Variants in IL18R1 observed in about 807,000 individuals in gnomAD.
IL18R1 encodes the protein interleukin-18 receptor 1.
In IL18R1, 40 loss-of-function variants were observed where a neutral mutation model predicts 48.5. That is an observed-to-expected ratio of 0.82 (90% confidence interval 0.64 to 1.07). The LOEUF (loss-of-function observed/expected upper bound fraction) is 1.07, where lower values mean the gene tolerates loss of function less well. Ranked by LOEUF, IL18R1 falls within the 50% of genes least tolerant of loss-of-function variation. The pLI is 0.00. For synonymous variants in IL18R1, 232 were observed against 225.9 expected (o/e 1.03, Z -0.24); for missense variants, 596 against 633.7 (o/e 0.94, Z 0.64).
At chr2:102,362,978 A>G (rs1453105845) in intron 2 of IL18R1, 1 of 275,300 alleles carries the variant, frequency 3.6e-6, no homozygotes, top group Non-Finnish European at 6.7e-6. Flanking sequence ...GGTTTTAGGA[A>G]GTTTGAAACA....
chr2:102,377,297 GTTTCT>G (rs1460151689), intron 5 of IL18R1, among the ~76,000 whole-genome samples: 1 of 152,062 alleles, frequency 6.6e-6, no homozygotes, highest in Non-Finnish European at 1.5e-5. Flanking sequence ...GGGAAAATGC[GTTTCT>G]TTTATTTTTT....
rs573912983 is a variant in IL18R1 at position 102,392,251 on chromosome 2, G to A, written c.1111+2034G>A. On this transcript the variant is annotated intron_variant, in intron 9 of 10. Coordinates refer to ENST00000233957, the MANE Select transcript of IL18R1 (RefSeq NM_003855.5). The stretch of plus-strand genomic sequence containing the variant: ...TTTAGCTTTGAGCCTGCATGTGCAT[G>A]TGCGAGTTTGCTATGGGGAGAGATG... 2.0e-5 allele frequency among the ~76,000 whole-genome samples: 3 copies of A among 152,170 alleles called. No homozygotes were observed. In the East Asian group the frequency reaches 5.8e-4, roughly 29 times the overall value.
rs892556309 is a variant in IL18R1, at chr2:102,355,893, C to A, written c.-536C>A. On this transcript the variant is annotated 5_prime_UTR_variant, in exon 1 of 11. Coordinates refer to ENST00000233957, the MANE Select transcript of IL18R1 (RefSeq NM_003855.5). ...AGGCGCTGGGTTTTCCAGCAGCAAC[C>A]TTTGGACCCCGCGATCCAGTAGCTC... 1 of 152,226 alleles carries A rather than the reference C, an allele frequency of 6.6e-6. No individual in the cohort carries two copies. Among genetic ancestry groups the A allele is most frequent in the Non-Finnish European group, 1.5e-5 (1 of 68,078 alleles). 9.4% of individuals were successfully genotyped at this position (152,226 alleles called of 1,614,324 possible). A position where few individuals can be genotyped will look rare whatever the true frequency, so the allele number is the denominator to read the frequency against.
intron 8 of IL18R1, 42 bp from the exon 9 acceptor site, chr2:102,390,014 T>G: frequency 6.2e-7 from 1 of 1,602,532 alleles, no homozygotes; most frequent in Non-Finnish European, 8.5e-7. Context: ...ACTGGTAAGA[T>G]TTCTTGATTA....
chr2:102,384,051 G>A (rs1180256547), intron 6 of IL18R1, among the ~76,000 whole-genome samples: 1 of 152,158 alleles, frequency 6.6e-6, no homozygotes, highest in African/African-American at 2.4e-5. Context: ...AGTGAATACA[G>A]TTTGTGTTAT....
intron 5 of IL18R1, among the ~76,000 whole-genome samples, chr2:102,376,745 T>A (rs1412742903): frequency 6.6e-6 from 1 of 152,126 alleles, no homozygotes; most frequent in Admixed American, 6.5e-5. Context: ...TCCTGGGACA[T>A]TAAAGGTATT....
chr2:102,363,115 G>T (rs1678680616), intron 2 of IL18R1, among the ~76,000 whole-genome samples: 1 of 151,746 alleles, frequency 6.6e-6, no homozygotes, highest in Admixed American at 6.6e-5. Flanking sequence ...ACAAAAAAGA[G>T]ACTGGCTAGA....
chr2:102,361,446 A>T (rs1678567487), intron 1 of IL18R1, among the ~76,000 whole-genome samples: 1 of 152,204 alleles, frequency 6.6e-6, no homozygotes, highest in African/African-American at 2.4e-5. Flanking sequence ...GGATTCAGGC[A>T]TTGACAACTC....
intron 10 of IL18R1, 138 bp downstream of exon 10, chr2:102,394,765 G>A (rs1013348011): frequency 3.3e-4 from 190 of 575,744 alleles, no homozygotes; most frequent in Non-Finnish European, 4.6e-4. Flanking sequence ...AACCACGTAA[G>A]TCAACAATCG....
intron 4 of IL18R1, among the ~76,000 whole-genome samples, chr2:102,372,767 T>C (rs1407805382): frequency 6.6e-6 from 1 of 152,206 alleles, no homozygotes; most frequent in Non-Finnish European, 1.5e-5. Context: ...AACCCCCTTG[T>C]TTCGTCTAAC....
At chr2:102,395,336 T>C (rs1178758775) in intron 10 of IL18R1, among the ~76,000 whole-genome samples, 3 of 151,736 alleles carry the variant, frequency 2.0e-5, no homozygotes, top group Non-Finnish European at 4.4e-5. Context: ...TTCTGGATAC[T>C]GATGCTTAAA....
chr2:102,372,721 G>A (rs1238604276), intron 4 of IL18R1, among the ~76,000 whole-genome samples: 2 of 151,894 alleles, frequency 1.3e-5, no homozygotes, highest in East Asian at 3.9e-4. Context: ...TCTAAACATG[G>A]GCTTTCAGTT....
intron 1 of IL18R1, among the ~76,000 whole-genome samples, chr2:102,356,719 T>TAATCCTCCTAAGGGCCATGA (rs1678271267): frequency 6.6e-6 from 1 of 152,218 alleles, no homozygotes; most frequent in Non-Finnish European, 1.5e-5. Context: ...TATTTTCACT[T>TAATCCTCCTAAGGGCCATGA]AATCCTCCTA....
chr2:102,380,973 C>G lies in IL18R1; in HGVS notation c.626-647C>G, dbSNP rs552468803. Among the ~76,000 whole-genome samples, 7 of 152,298 alleles carry G rather than the reference C, an allele frequency of 4.6e-5. 1 individual carries two copies. In the South Asian group the frequency reaches 1.5e-3, roughly 32 times the overall value. On this transcript the variant is annotated intron_variant, in intron 5 of 10. Transcript: ENST00000233957. Reference sequence around the variant, plus strand: ...AGTTGCCAGCTGCCTTAAGCAAGAGCCTGTTGGGTGATGACTTACTTCCCA... The same window carrying G: ...AGTTGCCAGCTGCCTTAAGCAAGAGGCTGTTGGGTGATGACTTACTTCCCA...
chr2:102,389,197 C>T (rs1037288835), intron 8 of IL18R1, among the ~76,000 whole-genome samples: 1 of 152,030 alleles, frequency 6.6e-6, no homozygotes, highest in Non-Finnish European at 1.5e-5. Flanking sequence ...TAATGACCTA[C>T]TGAAATGCTC....
chr2:102,362,564 A>T, intron 1 of IL18R1, 69 bp from the exon 2 acceptor site: 2 of 1,010,492 alleles, frequency 2.0e-6, no homozygotes, highest in Non-Finnish European at 1.4e-6. Flanking sequence ...GAAGATTTTT[A>T]AACCTTCATA....
chr2:102,364,054 T>C (rs1678743201), intron 2 of IL18R1, among the ~76,000 whole-genome samples: 1 of 152,196 alleles, frequency 6.6e-6, no homozygotes, highest in East Asian at 1.9e-4. Context: ...CCAAAGCTTC[T>C]AGCTGCCTGA....
chr2:102,368,439 G>T (rs1214888623), intron 3 of IL18R1, among the ~76,000 whole-genome samples: 1 of 152,182 alleles, frequency 6.6e-6, no homozygotes, highest in Non-Finnish European at 1.5e-5. Context: ...TGCGAATGGG[G>T]CAGTGTCAGC....
intron 9 of IL18R1, among the ~76,000 whole-genome samples, chr2:102,391,657 A>G (rs1270187043): frequency 6.6e-6 from 1 of 152,226 alleles, no homozygotes; most frequent in African/African-American, 2.4e-5. Flanking sequence ...ATTTTGCTAG[A>G]TACTGTCAAT....
Sources: allele counts gnomAD v4.1 joint callset (sites outside exome capture counted in the v4.1 genomes callset), GRCh38; gene constraint gnomAD v4.1.1; transcripts MANE v1.5; gene names NCBI Gene and HGNC (gene_info 2026-07-23, HGNC 2026-07-21).